Variants in AOPEP observed in about 807,000 individuals in gnomAD.
AOPEP encodes aminopeptidase O (putative), also known as aminopeptidase O.
Under a neutral mutation model 98.1 loss-of-function variants are expected in AOPEP, and 77 were observed. The observed-to-expected ratio is 0.78, with a 90% CI of 0.65 to 0.95. The LOEUF (loss-of-function observed/expected upper bound fraction) is 0.95. Ranked by LOEUF, AOPEP falls within the 40% of genes least tolerant of loss-of-function variation. The pLI is 0.00. For missense variants in AOPEP, 1,024 were observed against 1,024.7 expected, an observed-to-expected ratio of 1.00 and a Z score of 0.01; for synonymous variants, 346 against 365.3, an observed-to-expected ratio of 0.95 and a Z score of 0.60.
chr9:95,139,481 T>G, the AOPEP span, among the ~76,000 whole-genome samples: 1 of 152,070 alleles, frequency 6.6e-6, no homozygotes, highest in Non-Finnish European at 1.5e-5. Flanking sequence ...TCCTTATATA[T>G]GATAAGGACA....
intron 5 of AOPEP, among the ~76,000 whole-genome samples, chr9:94,875,258 A>T (rs2046780450): frequency 1.3e-5 from 2 of 150,700 alleles, no homozygotes; most frequent in South Asian, 4.2e-4. Flanking sequence ...CTTCACTTCC[A>T]GTTAAAGAAT....
At chr9:94,874,497 C>G (rs1489699045) in intron 5 of AOPEP, among the ~76,000 whole-genome samples, 1 of 152,210 alleles carries the variant, frequency 6.6e-6, no homozygotes, top group Non-Finnish European at 1.5e-5. Flanking sequence ...CCGTGACACA[C>G]TTAGCAGATT....
chr9:94,782,308 G>A (rs1365610137), intron 3 of AOPEP, among the ~76,000 whole-genome samples: 2 of 152,182 alleles, frequency 1.3e-5, no homozygotes, highest in Non-Finnish European at 2.9e-5. Context: ...AGGAGAAAAA[G>A]CATATGAACA....
At position 95,041,448 on chromosome 9, in the gene AOPEP, T is replaced by G. The variant is rs527985515; in HGVS notation, c.2116-19246T>G. ...ACTGTGTACTCAGAGTCCTTGGGGG[T>G]GTGTGTGTGTGTGTGTGTGTGTGTG... On this transcript the variant is annotated intron_variant, in intron 13 of 16. Transcript: ENST00000375315. Among the ~76,000 whole-genome samples, 469 of 146,052 alleles carry G rather than the reference T, an allele frequency of 3.2e-3. 1 individual carries two copies. The highest frequency in any genetic ancestry group is 0.016 in the South Asian group (73 of 4,528).
chr9:94,812,059 A>C (rs1272491707), intron 5 of AOPEP, among the ~76,000 whole-genome samples: 1 of 152,156 alleles, frequency 6.6e-6, no homozygotes, highest in Non-Finnish European at 1.5e-5. Flanking sequence ...TCCTTGTCCA[A>C]GGAAGGAGAC....
At chr9:95,116,243 CCTA>C in the AOPEP span, among the ~76,000 whole-genome samples, 1 of 152,334 alleles carries the variant, frequency 6.6e-6, no homozygotes, top group East Asian at 1.9e-4. Flanking sequence ...GCTGATCTGA[CCTA>C]AGCGTAAGGT....
At chr9:94,843,711 G>A (rs1192732873) in intron 5 of AOPEP, among the ~76,000 whole-genome samples, 1 of 152,014 alleles carries the variant, frequency 6.6e-6, no homozygotes, top group Non-Finnish European at 1.5e-5. Context: ...ATCTATTATT[G>A]CTCTAATGAT....
intron 3 of AOPEP, among the ~76,000 whole-genome samples, chr9:94,776,994 A>C (rs1842253841): frequency 6.8e-6 from 1 of 147,340 alleles, no homozygotes; most frequent in South Asian, 2.1e-4. Context: ...TTTTTGTTGT[A>C]TTCACTTATG....
chr9:95,005,984 A>C (rs1356866907), intron 13 of AOPEP: 1 of 485,332 alleles, frequency 2.1e-6, no homozygotes, highest in Non-Finnish European at 4.2e-6. Context: ...TCCATGCTGT[A>C]CTTTCTCTCA....
At chr9:94,853,927 C>T (rs1274696415) in intron 5 of AOPEP, among the ~76,000 whole-genome samples, 1 of 152,134 alleles carries the variant, frequency 6.6e-6, no homozygotes, top group Non-Finnish European at 1.5e-5. Context: ...TTGGGCAGAA[C>T]CAGTGATGGG....
chr9:94,858,820 G>A (rs1237382184), intron 5 of AOPEP, among the ~76,000 whole-genome samples: 3 of 152,032 alleles, frequency 2.0e-5, no homozygotes, highest in Non-Finnish European at 2.9e-5. Context: ...AGGCCAAGGC[G>A]GGCAGATCAC....
chr9:94,964,804 T>C, intron 9 of AOPEP, among the ~76,000 whole-genome samples: 1 of 151,984 alleles, frequency 6.6e-6, no homozygotes, highest in Non-Finnish European at 1.5e-5. Context: ...CCCACCCAGC[T>C]AATTTTTTGT....
intron 5 of AOPEP, among the ~76,000 whole-genome samples, chr9:94,839,088 C>T (rs1469171552): frequency 2.5e-5 from 3 of 121,228 alleles, no homozygotes; most frequent in African/African-American, 6.4e-5. Flanking sequence ...TTTTTGTATT[C>T]TTTTTTTTTT....
chr9:94,955,268 C>T lies in AOPEP; in HGVS notation c.1753C>T (p.His585Tyr). Reference sequence around the variant, plus strand: ...TCCGGAGAAGATCTTCATGCAGGTGCATTATTTAAAGGTAAGCACATGTCA... The same window carrying T: ...TCCGGAGAAGATCTTCATGCAGGTGTATTATTTAAAGGTAAGCACATGTCA... ...LNPEKIFMQVHYLKGYFLLRF... is the reference protein window; with the variant it reads ...LNPEKIFMQVYYLKGYFLLRF... Residue 585 changes from histidine (H) to tyrosine (Y), a missense_variant, in exon 8 of 17, where the codon CAT (histidine) becomes TAT (tyrosine). Physicochemically the swap from His to Tyr is moderately conservative, Grantham distance 83. Coordinates refer to ENST00000375315, the MANE Select transcript of AOPEP (RefSeq NM_001193329.3). The T allele has an allele frequency of 6.2e-7, 1 of 1,609,916 alleles. No individual in the cohort carries two copies. The highest frequency in any genetic ancestry group is 8.5e-7 in the Non-Finnish European group (1 of 1,177,054).
intron 5 of AOPEP, among the ~76,000 whole-genome samples, chr9:94,844,853 GT>G (rs561663385): frequency 1.3e-5 from 2 of 152,298 alleles, no homozygotes; most frequent in South Asian, 4.1e-4. Flanking sequence ...TGGGGTTCAG[GT>G]GGGATGGTAT....
In AOPEP at chr9:94,870,655, G is replaced by T. The variant is rs1375610133; in HGVS notation, c.1365-53331G>T. Among the ~76,000 whole-genome samples the T allele has an allele frequency of 2.6e-5, 4 of 152,190 alleles. No homozygotes were observed. In the East Asian group the frequency reaches 7.7e-4, roughly 29 times the overall value. On this transcript the variant is annotated intron_variant, in intron 5 of 16. Coordinates refer to ENST00000375315, the MANE Select transcript of AOPEP (RefSeq NM_001193329.3). ...TGAGCCAGCCTTGTCTCAGGCAGGGGTCACCACTGGTGCCTGGTGCCAGGT... is the reference window on the plus strand; with the variant it reads ...TGAGCCAGCCTTGTCTCAGGCAGGGTTCACCACTGGTGCCTGGTGCCAGGT...
chr9:94,740,852 A>G (rs1271118423), intron 1 of AOPEP, among the ~76,000 whole-genome samples: 1 of 152,228 alleles, frequency 6.6e-6, no homozygotes, highest in Non-Finnish European at 1.5e-5. Context: ...TATAAGTTTA[A>G]TAATAGTAGT....
At chr9:94,789,181 A>G (rs1054362921) in intron 3 of AOPEP, among the ~76,000 whole-genome samples, 1 of 152,122 alleles carries the variant, frequency 6.6e-6, no homozygotes, top group South Asian at 2.1e-4. Flanking sequence ...CTCCTGCTTT[A>G]TTCTCTCTCT....
intron 1 of AOPEP, among the ~76,000 whole-genome samples, chr9:94,759,230 T>C (rs1837720645): frequency 6.6e-6 from 1 of 152,248 alleles, no homozygotes. Flanking sequence ...TGGGGCCATT[T>C]AGCCTTCATT....
Sources: allele counts gnomAD v4.1 joint callset (sites outside exome capture counted in the v4.1 genomes callset), GRCh38; gene constraint gnomAD v4.1.1; transcripts MANE v1.5; gene names NCBI Gene and HGNC (gene_info 2026-07-23, HGNC 2026-07-21).